Variants in GPN3 observed in about 807,000 individuals in gnomAD.
The protein encoded by GPN3 is GPN-loop GTPase 3, also known as ATP-binding domain 1 family member C.
Under a neutral mutation model 38.7 loss-of-function variants are expected in GPN3, and 31 were observed. That is an observed-to-expected ratio of 0.80 (90% CI 0.60 to 1.08). The LOEUF is 1.08. GPN3 is among the 50% of genes least tolerant of loss of function. The pLI, the probability that GPN3 is intolerant of heterozygous loss-of-function variation, is 0.00. For missense variants in GPN3, 301 were observed against 354.4 expected, an observed-to-expected ratio of 0.85 and a Z score of 1.21; for synonymous variants, 116 against 120.2, an observed-to-expected ratio of 0.96 and a Z score of 0.23.
Position 110,468,230 on chromosome 12 carries a change from C to T in GPN3, c.-27G>A. ...TTGGCTCCCGGAGCCGCCCGCCACA[C>T]TCCCTTAGCCTTCGCGCGACGCCCA... On this transcript the variant is annotated 5_prime_UTR_variant, in exon 1 of 8. It adds an upstream start codon to the 5' untranslated region. Coordinates refer to ENST00000228827, the MANE Select transcript of GPN3 (RefSeq NM_016301.4). The T allele has an allele frequency of 6.2e-7, 1 of 1,607,722 alleles. No homozygotes were observed. Among genetic ancestry groups the T allele is most frequent in the Non-Finnish European group, 8.5e-7 (1 of 1,179,910 alleles).
At chr12:110,463,241 C>T (rs2062603211) in intron 2 of GPN3, among the ~76,000 whole-genome samples, 1 of 151,572 alleles carries the variant, frequency 6.6e-6, no homozygotes, top group African/African-American at 2.4e-5. Context: ...AAATCGAGAC[C>T]AGCCTGGGCA....
chr12:110,462,795 T>C (rs1158872149), intron 2 of GPN3, among the ~76,000 whole-genome samples: 2 of 152,086 alleles, frequency 1.3e-5, no homozygotes, highest in Middle Eastern at 3.4e-3. Context: ...CTCGCTCTGT[T>C]GCCCAGGCTG....
chr12:110,463,392 A>G (rs550262244), intron 2 of GPN3, among the ~76,000 whole-genome samples: 5 of 148,534 alleles, frequency 3.4e-5, no homozygotes, highest in African/African-American at 1.3e-4. Context: ...TGAGACTGCA[A>G]TGAGCTGTGA....
chr12:110,456,008 T>C (rs1311713141), intron 4 of GPN3, 78 bp from the exon 5 acceptor site: 2 of 783,884 alleles, frequency 2.6e-6, no homozygotes, highest in Non-Finnish European at 4.5e-6. Flanking sequence ...AGTCTTCTAT[T>C]CCTCACTGGA....
At chr12:110,468,038 A>C in intron 1 of GPN3, 118 bp downstream of exon 1, 1 of 1,344,128 alleles carries the variant, frequency 7.4e-7, no homozygotes, top group Non-Finnish European at 1.1e-6. Flanking sequence ...AGCAGAAATG[A>C]GTTGCGTGGG....
chr12:110,464,763 T>G, intron 2 of GPN3: 1 of 240,142 alleles, frequency 4.2e-6, no homozygotes. Flanking sequence ...CAGCTGATTT[T>G]TTTGTGTTTT....
chr12:110,468,445 G>T (rs1237621157), upstream of GPN3: 6 of 1,535,220 alleles, frequency 3.9e-6, no homozygotes, highest in Admixed American at 7.9e-5. Flanking sequence ...GAAATCGGCC[G>T]TTGGGATGCT....
intron 2 of GPN3, among the ~76,000 whole-genome samples, chr12:110,463,569 A>G (rs1303894621): frequency 7.7e-6 from 1 of 130,216 alleles, no homozygotes; most frequent in African/African-American, 2.8e-5. Flanking sequence ...CAGGAGTTTG[A>G]GACCAGCCTG....
upstream of GPN3, chr12:110,468,261 C>A (rs1489417830): frequency 3.1e-6 from 5 of 1,603,144 alleles, no homozygotes; most frequent in Non-Finnish European, 4.2e-6. Flanking sequence ...GCCCACTGAG[C>A]TCCGGGAAAG....
chr12:110,458,565 A>C lies in GPN3; in HGVS notation c.326-931T>G, dbSNP rs554767467. On this transcript the variant is annotated intron_variant, in intron 3 of 7. Transcript: ENST00000228827. This position sits in a 1 kb window ranked among gnomAD's most constrained non-coding sequence, Gnocchi z 4.4. The stretch of plus-strand genomic sequence containing the variant: ...GGAGGCCGAGGCAGGTGAATCACCT[A>C]AGGTCCAGAGTTTGAGACCAGCCTG... Among the ~76,000 whole-genome samples, 4 of 152,180 alleles carry C rather than the reference A, an allele frequency of 2.6e-5. No homozygotes were observed. In the East Asian group the frequency reaches 7.7e-4, roughly 29 times the overall value.
chr12:110,466,756 A>G (rs1050285055), intron 1 of GPN3, among the ~76,000 whole-genome samples: 1 of 152,114 alleles, frequency 6.6e-6, no homozygotes, highest in African/African-American at 2.4e-5. Context: ...TCAGCCTCCC[A>G]AAGTGCGAGG....
Position 110,455,618 on chromosome 12 carries a change from AT to A in GPN3, c.630del (p.Lys210AsnfsTer5). ...CATATAGCTTTAGTCAGTTTCTTGA[AT>A]TTTTTGCTTCTTAAGTCACTTGTAG... Reference protein sequence around the residue: ...EDSTSDLRSKKFKKLTKAICG... With the variant: ...EDSTSDLRSKXFKKLTKAICG... On this transcript the variant is annotated frameshift_variant, in exon 6 of 8. Transcript: ENST00000228827. LOFTEE classifies it high-confidence loss of function. 2.7e-6 allele frequency: 4 copies of A among 1,475,568 alleles called. No individual in the cohort carries two copies. Among genetic ancestry groups the A allele is most frequent in the South Asian group, 1.1e-5 (1 of 87,288 alleles). The allele number at this position is 1,475,568 out of a possible 1,614,324, so 91.4% of individuals were successfully genotyped here.
Position 110,465,226 on chromosome 12 carries a change from C to T in GPN3, c.49-12G>A. ...GCACAGTAGGTGCTCTGTAATGTCACAAGGCATGAGAGGTTAAAGCAACAG... is the reference window on the plus strand; with the variant it reads ...GCACAGTAGGTGCTCTGTAATGTCATAAGGCATGAGAGGTTAAAGCAACAG... On this transcript the variant is annotated splice_polypyrimidine_tract_variant and intron_variant, in intron 1 of 7. Transcript: ENST00000228827. 1 of 1,481,148 alleles carries T rather than the reference C, an allele frequency of 6.8e-7. No individual in the cohort carries two copies. The highest frequency in any genetic ancestry group is 9.4e-7 in the Non-Finnish European group (1 of 1,058,302). 91.8% of individuals were successfully genotyped at this position (1,481,148 alleles called of 1,614,324 possible).
At chr12:110,453,443 T>C (rs1480576024) in intron 7 of GPN3, among the ~76,000 whole-genome samples, 1 of 152,212 alleles carries the variant, frequency 6.6e-6, no homozygotes, top group East Asian at 1.9e-4. Context: ...TAGCTGATAC[T>C]ATCATTAGTC....
intron 2 of GPN3, among the ~76,000 whole-genome samples, chr12:110,460,078 T>A (rs552263499): frequency 6.6e-6 from 1 of 152,280 alleles, no homozygotes; most frequent in South Asian, 2.1e-4. Flanking sequence ...CAGCCATAAA[T>A]GGGGAAAATC....
chr12:110,457,800 T>C (rs1008773367), intron 3 of GPN3, among the ~76,000 whole-genome samples, 166 bp from the exon 4 acceptor site: 3 of 152,102 alleles, frequency 2.0e-5, no homozygotes, highest in East Asian at 1.9e-4. Context: ...ACTGCCACCA[T>C]AGGAATCCCT....
intron 2 of GPN3, among the ~76,000 whole-genome samples, chr12:110,462,480 T>G (rs1424182827): frequency 6.6e-6 from 1 of 152,216 alleles, no homozygotes; most frequent in African/African-American, 2.4e-5. Context: ...TGCTGTTAAT[T>G]CAACTTGCAA....
Position 110,457,575 on chromosome 12 carries a change from G to A in GPN3, c.385C>T (p.Gln129Ter). 2 of 1,609,548 alleles carry A rather than the reference G, an allele frequency of 1.2e-6. No individual in the cohort carries two copies. Among genetic ancestry groups the A allele is most frequent in the Non-Finnish European group, 1.7e-6 (2 of 1,176,908 alleles). The change falls in exon 4 of 8, where the codon CAG becomes TAG. Residue 129 changes from glutamine to a stop codon, truncating the protein, a stop_gained. Transcript: ENST00000228827. LOFTEE classifies it high-confidence loss of function. ...ACTCCACAGACTCGGAACTCCCACT[G>A]CTCGAGCTGCTGGACCAGCTGTTTC... ...VMKQLVQQLE[Q>*]WEFRVCGVFL... is the part of the protein sequence containing the mutation.
In GPN3 at chr12:110,459,130, G is replaced by C. The variant is rs565558522; in HGVS notation, c.325+565C>G. On this transcript the variant is annotated intron_variant, in intron 3 of 7. Transcript: ENST00000228827. ...CATTTGGATGCTTTTTGTTTGTACT[G>C]TCTCGAGTTCTGCCAAATGTGAGCT... 2.0e-5 allele frequency among the ~76,000 whole-genome samples: 3 copies of C among 152,294 alleles called. No individual in the cohort carries two copies. In the South Asian group the frequency reaches 6.2e-4, roughly 32 times the overall value.
Sources: gnomAD v4.1 joint callset for allele counts (sites outside exome capture counted in the v4.1 genomes callset) on GRCh38, gnomAD v4.1.1 for gene constraint, Gnocchi (gnomAD v3.1) non-coding constraint, MANE v1.5 for transcripts, NCBI Gene and HGNC (gene_info 2026-07-23, HGNC 2026-07-21) for gene names.